Variants in MAEA observed in about 807,000 individuals in gnomAD.
MAEA encodes E3 ubiquitin-protein transferase MAEA.
A neutral mutation model predicts 46.2 loss-of-function variants in MAEA; 22 were observed. That is an observed-to-expected ratio of 0.48 (90% CI 0.34 to 0.68). MAEA has a LOEUF of 0.68. Among genes scored for constraint, MAEA ranks in the 30% least tolerant of loss-of-function variants. The pLI, the probability that MAEA is intolerant of heterozygous loss-of-function variation, is 0.01. For synonymous variants in MAEA, 246 were observed against 222.6 expected (o/e 1.11, Z -0.94); for missense variants, 393 against 558.1 (o/e 0.70, Z 2.98).
intron 1 of MAEA, among the ~76,000 whole-genome samples, chr4:1,292,032 C>G (rs963419399): frequency 6.6e-6 from 1 of 152,170 alleles, no homozygotes; most frequent in Non-Finnish European, 1.5e-5. Context: ...CTAAACAGAA[C>G]ATGCTGAGCT....
rs1270232514 is a variant in MAEA at position 1,338,404 on chromosome 4, C to T, written c.900-18C>T. On this transcript the variant is annotated intron_variant, in intron 7 of 8. Coordinates refer to ENST00000303400, the MANE Select transcript of MAEA (RefSeq NM_001017405.3). ...CTGCCCTGAGTGGCCCCCAACCCTT[C>T]CTTGACCCGATGCTCAGACAGTGCT... 1 of 1,602,480 alleles carries T rather than the reference C, an allele frequency of 6.2e-7. No individual in the cohort carries two copies. Among genetic ancestry groups the T allele is most frequent in the Admixed American group, 1.7e-5 (1 of 59,736 alleles).
intron 1 of MAEA, among the ~76,000 whole-genome samples, chr4:1,297,736 A>G (rs925649661): frequency 5.3e-5 from 8 of 152,146 alleles, no homozygotes; most frequent in South Asian, 2.1e-4. Flanking sequence ...GAGTCAGTCA[A>G]TGGCTGTTGG....
At chr4:1,316,634 C>G (rs866287391) in intron 3 of MAEA, among the ~76,000 whole-genome samples, 9 of 152,112 alleles carry the variant, frequency 5.9e-5, no homozygotes, top group Non-Finnish European at 1.0e-4. Flanking sequence ...CTGCTTCTGT[C>G]TAACCAGGGG....
chr4:1,295,672 C>CA, intron 1 of MAEA, among the ~76,000 whole-genome samples: 1 of 130,112 alleles, frequency 7.7e-6, no homozygotes, highest in Middle Eastern at 3.8e-3. Context: ...CCTGTACCCC[C>CA]TCACCCGCTC....
At position 1,311,710 on chromosome 4, in the gene MAEA, A is replaced by C. The variant is rs1055383100; in HGVS notation, c.70-269A>C. On this transcript the variant is annotated intron_variant, in intron 1 of 8. Transcript: ENST00000303400. The surrounding 1 kb of genome is among the most constrained non-coding windows in gnomAD (Gnocchi z 4.4). ...CTTTAACTGTTCGTTATTCTGGATG[A>C]ACTTTGGGATTATTTTGTCAACATA... Among the ~76,000 whole-genome samples, 1 of 152,154 alleles carries C rather than the reference A, an allele frequency of 6.6e-6. No individual in the cohort carries two copies. Among genetic ancestry groups the C allele is most frequent in the Admixed American group, 6.5e-5 (1 of 15,278 alleles).
At chr4:1,327,224 G>A (rs1577217801) in intron 4 of MAEA, among the ~76,000 whole-genome samples, 1 of 152,224 alleles carries the variant, frequency 6.6e-6, no homozygotes, top group Non-Finnish European at 1.5e-5. Context: ...GAGTGTAGAG[G>A]AAGCAGTGGC....
chr4:1,338,182 G>T (rs972034402), intron 7 of MAEA: 1 of 494,640 alleles, frequency 2.0e-6, no homozygotes, highest in African/African-American at 1.9e-5. Context: ...TGTGCCTGTG[G>T]TCCTGGTGCT....
chr4:1,298,139 T>G (rs1734948919), intron 1 of MAEA: 3 of 452,138 alleles, frequency 6.6e-6, no homozygotes, highest in South Asian at 3.1e-5. Context: ...TGCCCCTCCT[T>G]CTCCATGAGC....
chr4:1,329,706 G>A (rs1245625077), intron 5 of MAEA: 2 of 985,732 alleles, frequency 2.0e-6, no homozygotes, highest in African/African-American at 1.7e-5. Context: ...GGGCTGGGGT[G>A]GCAGGTGGGG....
chr4:1,339,051 G>A, intron 8 of MAEA, 23 bp from the exon 9 acceptor site: 3 of 1,572,610 alleles, frequency 1.9e-6, no homozygotes, highest in Non-Finnish European at 2.6e-6. Context: ...TTGCCTTAAT[G>A]CATTCCCGGT....
At chr4:1,321,604 G>A (rs1235271588) in intron 3 of MAEA, among the ~76,000 whole-genome samples, 2 of 152,218 alleles carry the variant, frequency 1.3e-5, no homozygotes, top group Admixed American at 6.5e-5. Flanking sequence ...GTGAACTGTG[G>A]CCTCATCCTG....
At chr4:1,328,853 G>T (rs756884810) in intron 5 of MAEA, 18 of 1,044,918 alleles carry the variant, frequency 1.7e-5, no homozygotes, top group Non-Finnish European at 2.1e-5. Context: ...AGGGAGCCAG[G>T]CCTGCAACGA....
rs531183523 is a variant in MAEA at position 1,333,400 on chromosome 4, C to G, written c.765+535C>G. Among the ~76,000 whole-genome samples, 26 of 152,092 alleles carry G rather than the reference C, an allele frequency of 1.7e-4. 1 individual carries two copies. The highest frequency in any genetic ancestry group is 2.5e-4 in the Non-Finnish European group (17 of 68,006). On this transcript the variant is annotated intron_variant, in intron 6 of 8. Transcript: ENST00000303400. ...AAGCCTTTCAGCCTGGAGCGTTCAG[C>G]CGGGGCCCAGCTTCCTTGCCTGTCC...
intron 4 of MAEA, among the ~76,000 whole-genome samples, chr4:1,322,943 C>CTT (rs60692981): frequency 0.014 from 1,029 of 75,302 alleles, 129 homozygotes; most frequent in African/African-American, 0.017. Context: ...TGAATACCCA[C>CTT]TTTTTTTTTT....
At chr4:1,296,643 G>GC (rs55932747) in intron 1 of MAEA, among the ~76,000 whole-genome samples, 79,356 of 150,348 alleles carry the variant, frequency 0.53, 21,060 homozygotes, top group Admixed American at 0.59. Flanking sequence ...CCCCTTCCTT[G>GC]CCCCCGTCCT....
intron 2 of MAEA, among the ~76,000 whole-genome samples, chr4:1,313,672 A>T (rs780006915): frequency 2.6e-5 from 4 of 151,872 alleles, no homozygotes; most frequent in Non-Finnish European, 5.9e-5. Flanking sequence ...GGCTGCAGTG[A>T]GCCACGATCA....
intron 1 of MAEA, among the ~76,000 whole-genome samples, chr4:1,308,127 C>T (rs1345040432): frequency 2.0e-5 from 3 of 151,810 alleles, no homozygotes; most frequent in African/African-American, 2.4e-5. Flanking sequence ...ACGCCCGCAC[C>T]GTGGTACAGC....
At chr4:1,315,333 C>T in intron 2 of MAEA, 64 bp from the exon 3 acceptor site, 2 of 1,504,492 alleles carry the variant, frequency 1.3e-6, no homozygotes, top group African/African-American at 1.4e-5. Context: ...GCAGCCTGGC[C>T]TCCCTTGGTG....
At chr4:1,316,422 C>T (rs1031539907) in intron 3 of MAEA, among the ~76,000 whole-genome samples, 2 of 152,170 alleles carry the variant, frequency 1.3e-5, no homozygotes, top group African/African-American at 4.8e-5. Context: ...ACAGCCTCAC[C>T]TGACTCGGGT....
Sources: gnomAD v4.1 joint callset for allele counts (sites outside exome capture counted in the v4.1 genomes callset) on GRCh38, gnomAD v4.1.1 for gene constraint, Gnocchi (gnomAD v3.1) non-coding constraint, MANE v1.5 for transcripts, NCBI Gene and HGNC (gene_info 2026-07-23, HGNC 2026-07-21) for gene names.